The following RIN2 variants were observed in gnomAD, a reference collection of about 807,000 sequenced individuals.
RIN2 encodes the protein Ras and Rab interactor 2.
In RIN2, 36 loss-of-function variants were observed where a neutral mutation model predicts 78.0. That is an observed-to-expected ratio of 0.46 (90% CI 0.35 to 0.61). The LOEUF (loss-of-function observed/expected upper bound fraction) is 0.61, where lower values mean the gene tolerates loss of function less well. Ranked by LOEUF, RIN2 falls within the 20% of genes least tolerant of loss-of-function variation. RIN2 has a pLI of 0.00. For synonymous variants in RIN2, 466 were observed against 466.8 expected (o/e 1.00, Z 0.02); for missense variants, 1,087 against 1,159.7 (o/e 0.94, Z 0.91).
Position 19,889,661 on chromosome 20 carries a change from A to G in RIN2, c.57+3A>G. ...ACAAGCGAGGAAGTTTCTTTAAGGTAAAAGGAAGCCTTGATTGGGATCTCA... is the reference window on the plus strand; with the variant it reads ...ACAAGCGAGGAAGTTTCTTTAAGGTGAAAGGAAGCCTTGATTGGGATCTCA... On this transcript the variant is annotated splice_donor_region_variant and intron_variant, in intron 3 of 12. Coordinates refer to ENST00000255006, the MANE Select transcript of RIN2 (RefSeq NM_018993.4). 6.7e-7 allele frequency: 1 copy of G among 1,498,928 alleles called. No homozygotes were observed. The highest frequency in any genetic ancestry group is 9.0e-7 in the Non-Finnish European group (1 of 1,116,970). 92.9% of individuals were successfully genotyped at this position (1,498,928 alleles called of 1,614,324 possible).
At chr20:19,922,116 T>C (rs1478918638) in intron 3 of RIN2, among the ~76,000 whole-genome samples, 1 of 152,184 alleles carries the variant, frequency 6.6e-6, no homozygotes, top group Non-Finnish European at 1.5e-5. Flanking sequence ...TCTATTCGCC[T>C]CGGCCTCCCA....
At chr20:19,757,982 G>T (rs1052330317), upstream of RIN2, 9 of 152,346 alleles carry the variant, frequency 5.9e-5, no homozygotes, top group African/African-American at 1.9e-4. Flanking sequence ...GAGGCTGGCG[G>T]TTACAGGGAA....
chr20:19,900,383 C>T (rs1033142858), intron 3 of RIN2, among the ~76,000 whole-genome samples: 29 of 151,692 alleles, frequency 1.9e-4, no homozygotes, highest in African/African-American at 6.5e-4. Flanking sequence ...ACTCAGGAGG[C>T]GAGGCAGGAG....
Position 19,807,901 on chromosome 20 carries a change from C to T in RIN2, c.-37+8154C>T, listed in dbSNP as rs550108124. Among the ~76,000 whole-genome samples, 32 of 152,276 alleles carry T rather than the reference C, an allele frequency of 2.1e-4. 1 individual carries two copies. In the South Asian group the frequency reaches 6.6e-3, roughly 32 times the overall value. On this transcript the variant is annotated intron_variant, in intron 2 of 12. Coordinates refer to ENST00000255006, the MANE Select transcript of RIN2 (RefSeq NM_018993.4). ...AATTTGCAGCCTTAAATTTACAGGACTTTTTCCAACTTAGCATGGAAAAGA... is the reference window on the plus strand; with the variant it reads ...AATTTGCAGCCTTAAATTTACAGGATTTTTTCCAACTTAGCATGGAAAAGA...
At position 19,956,598 on chromosome 20, in the gene RIN2, G is replaced by C; in HGVS notation, c.159-17G>C. 1.2e-6 allele frequency: 2 copies of C among 1,610,532 alleles called. No homozygotes were observed. The highest frequency in any genetic ancestry group is 1.7e-6 in the Non-Finnish European group (2 of 1,178,342). ...GGTACTGCAGCCAGCTGACCGTGCC[G>C]CTTCTCTTTCTCCTAGCATGGTAAG... is the stretch of plus-strand genomic sequence containing the variant. On this transcript the variant is annotated splice_polypyrimidine_tract_variant and intron_variant, in intron 4 of 12. Transcript: ENST00000255006.
intron 2 of RIN2, among the ~76,000 whole-genome samples, chr20:19,836,747 TTCTG>T (rs910824305): frequency 2.6e-5 from 4 of 152,218 alleles, no homozygotes; most frequent in African/African-American, 9.6e-5. Flanking sequence ...GATAATGAGT[TTCTG>T]TTCCATTACT....
At chr20:19,995,244 A>T (rs913913676) in intron 11 of RIN2, among the ~76,000 whole-genome samples, 4 of 143,956 alleles carry the variant, frequency 2.8e-5, no homozygotes, top group Admixed American at 2.1e-4. Context: ...ATAAATTGCC[A>T]GTGTCTGTTT....
chr20:19,895,644 A>C (rs2038687320), intron 3 of RIN2: 1 of 152,264 alleles, frequency 6.6e-6, no homozygotes, highest in African/African-American at 2.4e-5. Flanking sequence ...TCAAAGGCCC[A>C]GCCCAGCAGC....
chr20:19,775,516 A>G (rs928729845), intron 1 of RIN2, among the ~76,000 whole-genome samples: 8 of 152,230 alleles, frequency 5.3e-5, no homozygotes, highest in African/African-American at 1.9e-4. Flanking sequence ...GAGACTGTAG[A>G]TAGACTGCTG....
chr20:19,869,854 A>C (rs2037634991), intron 2 of RIN2, among the ~76,000 whole-genome samples: 2 of 151,062 alleles, frequency 1.3e-5, no homozygotes. Flanking sequence ...GGGGTTCGCT[A>C]TGTTGCCCAG....
chr20:19,822,852 T>A lies in RIN2; in HGVS notation c.-37+23105T>A, dbSNP rs1467956858. On this transcript the variant is annotated intron_variant, in intron 2 of 12. Coordinates refer to ENST00000255006, the MANE Select transcript of RIN2 (RefSeq NM_018993.4). ...TTGGATGCATTTATTTAGTATGCTATAATTTCTGAACAATGTACTCTGCAA... is the reference window on the plus strand; with the variant it reads ...TTGGATGCATTTATTTAGTATGCTAAAATTTCTGAACAATGTACTCTGCAA... Among the ~76,000 whole-genome samples the A allele has an allele frequency of 7.2e-5, 11 of 152,240 alleles. 1 individual carries two copies. Among genetic ancestry groups the A allele is most frequent in the Admixed American group, 7.2e-4 (11 of 15,282 alleles).
intron 1 of RIN2, among the ~76,000 whole-genome samples, chr20:19,780,978 G>A (rs1325077411): frequency 6.6e-6 from 1 of 152,188 alleles, no homozygotes; most frequent in Admixed American, 6.5e-5. Context: ...AGATGAAAGA[G>A]TGGTTGCAGC....
intron 2 of RIN2, among the ~76,000 whole-genome samples, chr20:19,852,823 T>C (rs1451961970): frequency 6.6e-6 from 1 of 152,222 alleles, no homozygotes; most frequent in African/African-American, 2.4e-5. Context: ...TCGCTTAGGA[T>C]AAGGTGCTTT....
At chr20:19,904,387 T>C (rs1011946756) in intron 3 of RIN2, among the ~76,000 whole-genome samples, 2 of 151,986 alleles carry the variant, frequency 1.3e-5, no homozygotes, top group African/African-American at 4.8e-5. Context: ...AGGCCAGCCC[T>C]GGGCACCGGG....
chr20:19,925,486 A>T (rs1053551368), intron 3 of RIN2, among the ~76,000 whole-genome samples: 1 of 152,234 alleles, frequency 6.6e-6, no homozygotes, highest in African/African-American at 2.4e-5. Context: ...AAGAAAATTT[A>T]AAAGGCAGAA....
At chr20:19,970,104 G>C (rs1333061835) in intron 7 of RIN2, among the ~76,000 whole-genome samples, 2 of 152,208 alleles carry the variant, frequency 1.3e-5, no homozygotes, top group African/African-American at 4.8e-5. Context: ...TTGGGTGCTG[G>C]GGTTATTGGC....
At chr20:19,925,790 G>A (rs141695643) in intron 3 of RIN2, among the ~76,000 whole-genome samples, 5 of 152,226 alleles carry the variant, frequency 3.3e-5, no homozygotes, top group Admixed American at 2.0e-4. Context: ...CAGTGCAGAA[G>A]GGCACAGCCA....
intron 1 of RIN2, among the ~76,000 whole-genome samples, chr20:19,765,056 G>C (rs2033827562): frequency 6.7e-6 from 1 of 150,350 alleles, no homozygotes; most frequent in African/African-American, 2.5e-5. Flanking sequence ...CACCATGTTG[G>C]CCAGGCTGGT....
intron 5 of RIN2, among the ~76,000 whole-genome samples, chr20:19,959,131 A>G (rs547562046): frequency 6.6e-6 from 1 of 152,374 alleles, no homozygotes; most frequent in Non-Finnish European, 1.5e-5. Flanking sequence ...AAAAGCAGCC[A>G]TAGACAATAT....
Sources: gnomAD v4.1 joint callset for allele counts (sites outside exome capture counted in the v4.1 genomes callset) on GRCh38, gnomAD v4.1.1 for gene constraint, MANE v1.5 for transcripts, NCBI Gene and HGNC (gene_info 2026-07-23, HGNC 2026-07-21) for gene names.